The following ASCC3 variants were observed in gnomAD, a reference collection of about 807,000 sequenced individuals.
The protein encoded by ASCC3 is activating signal cointegrator 1 complex subunit 3, also known as ASC-1 complex subunit P200.
ASCC3 carries 158 observed loss-of-function variants against 256.3 expected under a neutral mutation model. That is an observed-to-expected ratio of 0.62 (90% CI 0.54 to 0.70). ASCC3 has a LOEUF of 0.70. ASCC3 is among the 30% of genes least tolerant of loss of function. ASCC3 has a pLI of 0.00. For synonymous variants in ASCC3, 948 were observed against 883.4 expected (o/e 1.07, Z -1.30); for missense variants, 2,259 against 2,626.0 (o/e 0.86, Z 3.05).
intron 36 of ASCC3, among the ~76,000 whole-genome samples, chr6:100,545,876 T>C (rs1775697213): frequency 6.6e-6 from 1 of 152,218 alleles, no homozygotes; most frequent in African/African-American, 2.4e-5. Context: ...CCACCATGCC[T>C]GGTCTGCTCT....
chr6:100,773,843 T>C (rs1380836606), intron 8 of ASCC3, among the ~76,000 whole-genome samples: 1 of 152,186 alleles, frequency 6.6e-6, no homozygotes, highest in Non-Finnish European at 1.5e-5. Context: ...ATACACTGCA[T>C]ACATAATGTC....
chr6:100,515,464 C>T, intron 39 of ASCC3, among the ~76,000 whole-genome samples: 1 of 152,128 alleles, frequency 6.6e-6, no homozygotes, highest in Non-Finnish European at 1.5e-5. Context: ...GTTATAAATC[C>T]TGAACGTTTA....
Position 100,864,196 on chromosome 6 carries a change from G to T in ASCC3, c.109C>A (p.His37Asn). The T allele has an allele frequency of 6.2e-7, 1 of 1,604,582 alleles. No individual in the cohort carries two copies. The change falls in exon 3 of 42, where the codon CAT becomes AAT. Residue 37 changes from histidine to asparagine, a missense_variant. This residue lies in a region of ASCC3 where 420 missense variants were observed against 419.3 expected (regional missense o/e 1.00). Coordinates refer to ENST00000369162, the MANE Select transcript of ASCC3 (RefSeq NM_006828.4). ...AGGCCCAAATCTAAAACTTGTTCAT[G>T]AAGTTTAGATCGCTTTATCTGAAAC... ...ADLKIKRSKL[H>N]EQVLDLGLTW...
At chr6:100,626,797 C>T (rs1387778310) in intron 29 of ASCC3, among the ~76,000 whole-genome samples, 1 of 152,024 alleles carries the variant, frequency 6.6e-6, no homozygotes, top group African/African-American at 2.4e-5. Context: ...ATAAATGGAT[C>T]TCTTGTCTTT....
chr6:100,582,596 T>C (rs1268240457), intron 36 of ASCC3, among the ~76,000 whole-genome samples: 1 of 152,174 alleles, frequency 6.6e-6, no homozygotes, highest in Non-Finnish European at 1.5e-5. Flanking sequence ...CCTGCCTAAA[T>C]GCCCTGGCCA....
intron 30 of ASCC3, among the ~76,000 whole-genome samples, chr6:100,616,048 A>T (rs1290342838): frequency 6.6e-6 from 1 of 152,186 alleles, no homozygotes; most frequent in African/African-American, 2.4e-5. Flanking sequence ...TTCTGATTTA[A>T]AACAATTTCA....
At chr6:100,738,963 A>G (rs1454898541) in intron 10 of ASCC3, among the ~76,000 whole-genome samples, 1 of 152,090 alleles carries the variant, frequency 6.6e-6, no homozygotes, top group Non-Finnish European at 1.5e-5. Flanking sequence ...CCTGGTGAAA[A>G]CTTCCAATAT....
chr6:100,748,920 A>G (rs919736799), intron 10 of ASCC3, among the ~76,000 whole-genome samples: 3 of 151,986 alleles, frequency 2.0e-5, no homozygotes, highest in Non-Finnish European at 2.9e-5. Flanking sequence ...AGCAGAAAAG[A>G]CAAAGAACAC....
chr6:100,820,271 T>C (rs1344322579), intron 4 of ASCC3, among the ~76,000 whole-genome samples: 3 of 141,736 alleles, frequency 2.1e-5, no homozygotes, highest in African/African-American at 7.4e-5. Context: ...ATTAAAAGAG[T>C]GTAGTACCAG....
intron 30 of ASCC3, among the ~76,000 whole-genome samples, chr6:100,607,448 C>T (rs969578313): frequency 6.6e-6 from 1 of 151,428 alleles, no homozygotes; most frequent in African/African-American, 2.4e-5. Flanking sequence ...AAGTTCAGTG[C>T]CAAAAATTTT....
chr6:100,706,718 C>A (rs1778604560), intron 13 of ASCC3, among the ~76,000 whole-genome samples: 1 of 152,054 alleles, frequency 6.6e-6, no homozygotes, highest in Admixed American at 6.6e-5. Context: ...ATAGTATTGG[C>A]AGATCAACCT....
At chr6:100,645,858 T>A (rs1471505991) in intron 22 of ASCC3, among the ~76,000 whole-genome samples, 1 of 152,050 alleles carries the variant, frequency 6.6e-6, no homozygotes, top group African/African-American at 2.4e-5. Context: ...TTCAGAGAAG[T>A]AAAGAAAATA....
At chr6:100,586,062 C>T (rs538061382) in intron 36 of ASCC3, among the ~76,000 whole-genome samples, 33 of 152,250 alleles carry the variant, frequency 2.2e-4, no homozygotes, top group South Asian at 8.3e-4. Flanking sequence ...GCAGTCTGCC[C>T]GTTCTCAGAT....
chr6:100,527,825 T>C (rs1774659574), intron 37 of ASCC3, among the ~76,000 whole-genome samples: 1 of 151,792 alleles, frequency 6.6e-6, no homozygotes, highest in African/African-American at 2.4e-5. Flanking sequence ...TACACACACA[T>C]CTTCTTTGTT....
chr6:100,661,323 T>TCGCACACACACACACACACA (rs1435976050), intron 16 of ASCC3, among the ~76,000 whole-genome samples: 1 of 141,516 alleles, frequency 7.1e-6, no homozygotes, highest in Admixed American at 7.1e-5. Flanking sequence ...AACACAAAAG[T>TCGCACACACACACACACACA]CACACACACA....
At chr6:100,698,064 T>C (rs977906246) in intron 13 of ASCC3, among the ~76,000 whole-genome samples, 3 of 152,158 alleles carry the variant, frequency 2.0e-5, no homozygotes, top group Non-Finnish European at 4.4e-5. Context: ...TGCTTAAATA[T>C]ATGTACATTT....
chr6:100,560,110 G>A (rs1434665909), intron 36 of ASCC3, among the ~76,000 whole-genome samples: 4 of 152,076 alleles, frequency 2.6e-5, no homozygotes, highest in Non-Finnish European at 5.9e-5. Context: ...TATGTAAGTG[G>A]ATATACTTTG....
At chr6:100,807,166 G>A (rs1353640716) in intron 4 of ASCC3, among the ~76,000 whole-genome samples, 3 of 151,708 alleles carry the variant, frequency 2.0e-5, no homozygotes, top group Non-Finnish European at 2.9e-5. Flanking sequence ...TACCAAATTC[G>A]GTAATATAAA....
At chr6:100,845,871 G>C (rs1370029192) in intron 4 of ASCC3, among the ~76,000 whole-genome samples, 3 of 152,012 alleles carry the variant, frequency 2.0e-5, no homozygotes, top group African/African-American at 7.2e-5. Context: ...TTCAGAGCTG[G>C]GAAACCACAG....
Sources: allele counts gnomAD v4.1 joint callset (sites outside exome capture counted in the v4.1 genomes callset), GRCh38; gene constraint gnomAD v4.1.1; regional missense constraint gnomAD v4.1.1; transcripts MANE v1.5; gene names NCBI Gene and HGNC (gene_info 2026-07-23, HGNC 2026-07-21).